The following ZHX2 variants were observed in gnomAD, a reference collection of about 807,000 sequenced individuals.
ZHX2 encodes zinc fingers and homeoboxes protein 2.
Under a neutral mutation model 21.9 loss-of-function variants are expected in ZHX2, and 6 were observed. The observed-to-expected ratio is 0.27, with a 90% CI of 0.15 to 0.54. The LOEUF is 0.54. ZHX2 is among the 20% of genes least tolerant of loss of function. The probability of loss-of-function intolerance (pLI) is 0.95; values close to 1 mark genes in which losing one functional copy is unlikely to be tolerated. For synonymous variants in ZHX2, 434 were observed against 437.1 expected, an observed-to-expected ratio of 0.99 and a Z score of 0.09; for missense variants, 908 against 1,090.7, an observed-to-expected ratio of 0.83 and a Z score of 2.36.
At chr8:122,863,431 C>T (rs1034130598) in intron 1 of ZHX2, 46 bp from the exon 2 acceptor site, 1 of 152,852 alleles carries the variant, frequency 6.5e-6, no homozygotes, top group South Asian at 2.1e-4. Flanking sequence ...GATGGACACC[C>T]AATTGCTCTG....
chr8:122,826,161 C>A (rs1818262194), intron 1 of ZHX2, among the ~76,000 whole-genome samples: 1 of 152,180 alleles, frequency 6.6e-6, no homozygotes, highest in Non-Finnish European at 1.5e-5. Context: ...TCCCACCAGC[C>A]CTGGGTTTAG....
chr8:122,956,890 T>TACC (rs1164271084), intron 3 of ZHX2, among the ~76,000 whole-genome samples: 1 of 152,052 alleles, frequency 6.6e-6, no homozygotes, highest in Non-Finnish European at 1.5e-5. Flanking sequence ...CCCAAGCTAA[T>TACC]ACCACCACCA....
intron 2 of ZHX2, among the ~76,000 whole-genome samples, chr8:122,941,068 TA>T (rs11375328): frequency 0.011 from 1,484 of 133,476 alleles, 13 homozygotes; most frequent in East Asian, 0.067. Flanking sequence ...CTATCTCTAT[TA>T]AAAAAAAAAA....
At chr8:122,959,415 CTAAT>C (rs913237450) in intron 3 of ZHX2, among the ~76,000 whole-genome samples, 4 of 151,188 alleles carry the variant, frequency 2.6e-5, no homozygotes, top group East Asian at 2.0e-4. Flanking sequence ...AATTAATTAA[CTAAT>C]TAATTAATGA....
intron 1 of ZHX2, among the ~76,000 whole-genome samples, chr8:122,792,693 G>A (rs183237758): frequency 6.6e-6 from 1 of 152,094 alleles, no homozygotes; most frequent in South Asian, 2.1e-4. Context: ...GAGAAGGGAG[G>A]GTCCCATGGC....
chr8:122,786,535 A>G (rs1233784949), intron 1 of ZHX2, among the ~76,000 whole-genome samples: 1 of 152,242 alleles, frequency 6.6e-6, no homozygotes, highest in Non-Finnish European at 1.5e-5. Context: ...AGAAAGTTGT[A>G]AAAAGGCTTA....
chr8:122,951,153 C>T (rs1813099244), intron 2 of ZHX2, 139 bp from the exon 3 acceptor site: 1 of 193,018 alleles, frequency 5.2e-6, no homozygotes, highest in Admixed American at 5.4e-5. Flanking sequence ...TGTTTCTAAG[C>T]ACTTTCACGC....
At chr8:122,922,991 G>A (rs1306113244) in intron 2 of ZHX2, among the ~76,000 whole-genome samples, 1 of 152,210 alleles carries the variant, frequency 6.6e-6, no homozygotes, top group African/African-American at 2.4e-5. Flanking sequence ...AGCCAACCAG[G>A]TGGCCCTATC....
chr8:122,903,236 T>C (rs1410422702), intron 2 of ZHX2, among the ~76,000 whole-genome samples: 5 of 152,264 alleles, frequency 3.3e-5, no homozygotes, highest in African/African-American at 1.2e-4. Flanking sequence ...CTTATCTTCT[T>C]GGCACTGGAT....
intron 2 of ZHX2, among the ~76,000 whole-genome samples, chr8:122,949,691 C>A (rs187775487): frequency 2.4e-4 from 36 of 152,104 alleles, no homozygotes; most frequent in African/African-American, 7.5e-4. Flanking sequence ...ATGGCAAAAC[C>A]CTGTCTCTAC....
intron 1 of ZHX2, among the ~76,000 whole-genome samples, chr8:122,840,814 C>T (rs1276313483): frequency 1.3e-5 from 2 of 152,130 alleles, no homozygotes; most frequent in East Asian, 3.9e-4. Context: ...AAACCTCTCC[C>T]CATTGTCAGT....
intron 1 of ZHX2, among the ~76,000 whole-genome samples, chr8:122,793,703 G>T (rs1586574212): frequency 6.6e-6 from 1 of 152,346 alleles, no homozygotes; most frequent in South Asian, 2.1e-4. Context: ...AAAAATGATA[G>T]AAATGATGAG....
chr8:122,911,630 T>A (rs944107240), intron 2 of ZHX2, among the ~76,000 whole-genome samples: 12 of 152,078 alleles, frequency 7.9e-5, no homozygotes, highest in African/African-American at 2.9e-4. Flanking sequence ...TGCCAAGCTA[T>A]GTGCTGAGCC....
intron 2 of ZHX2, among the ~76,000 whole-genome samples, chr8:122,865,253 C>T (rs867932046): frequency 2.6e-5 from 4 of 151,946 alleles, no homozygotes; most frequent in Non-Finnish European, 4.4e-5. Flanking sequence ...CTCAGCCTCC[C>T]GAGTAGCTGG....
chr8:122,884,875 G>A (rs1819803288), intron 2 of ZHX2, among the ~76,000 whole-genome samples: 1 of 152,186 alleles, frequency 6.6e-6, no homozygotes, highest in Admixed American at 6.5e-5. Context: ...AAACAAGGTG[G>A]TAACAACACT....
chr8:122,811,478 G>A (rs879530511), intron 1 of ZHX2, among the ~76,000 whole-genome samples: 2 of 152,236 alleles, frequency 1.3e-5, no homozygotes, highest in Non-Finnish European at 1.5e-5. Flanking sequence ...TCTTTCTAAT[G>A]CTCCCTGCCC....
intron 1 of ZHX2, among the ~76,000 whole-genome samples, chr8:122,834,725 T>C (rs377537660): frequency 1.3e-5 from 2 of 152,196 alleles, no homozygotes; most frequent in Admixed American, 6.5e-5. Context: ...AGTGGTTCCT[T>C]CTGGGCTAGC....
intron 2 of ZHX2, among the ~76,000 whole-genome samples, chr8:122,899,250 T>C (rs767994832): frequency 6.6e-6 from 1 of 152,100 alleles, no homozygotes; most frequent in South Asian, 2.1e-4. Flanking sequence ...ACAAAGATCC[T>C]CTTACACCCT....
chr8:122,905,925 C>CT (rs1820337046), intron 2 of ZHX2, among the ~76,000 whole-genome samples: 1 of 152,178 alleles, frequency 6.6e-6, no homozygotes, highest in African/African-American at 2.4e-5. Flanking sequence ...AGCTTCCTCC[C>CT]TTTTTTATAT....
Sources: gnomAD v4.1 joint callset for allele counts (sites outside exome capture counted in the v4.1 genomes callset) on GRCh38, gnomAD v4.1.1 for gene constraint, MANE v1.5 for transcripts, NCBI Gene and HGNC (gene_info 2026-07-23, HGNC 2026-07-21) for gene names.